Variants in LRTM1 observed in about 807,000 individuals in gnomAD.
The protein encoded by LRTM1 is leucine-rich repeat and transmembrane domain-containing protein 1.
LRTM1 carries 38 observed loss-of-function variants against 32.4 expected under a neutral mutation model. That is an observed-to-expected ratio of 1.17 (90% CI 0.91 to 1.54). LRTM1 has a LOEUF of 1.54. LRTM1 is among the 40% of genes most tolerant of loss of function. LRTM1 has a pLI of 0.00. For synonymous variants in LRTM1, 186 were observed against 169.9 expected (o/e 1.09, Z -0.74); for missense variants, 466 against 415.4 (o/e 1.12, Z -1.06).
At chr3:54,954,565 T>A (rs1289568108) in intron 1 of LRTM1, among the ~76,000 whole-genome samples, 2 of 152,180 alleles carry the variant, frequency 1.3e-5, no homozygotes, top group African/African-American at 4.8e-5. Flanking sequence ...CTCTTCCCTT[T>A]CCAGTCCAAA....
At chr3:54,919,845 T>C (rs1232196467) in intron 2 of LRTM1, among the ~76,000 whole-genome samples, 1 of 152,178 alleles carries the variant, frequency 6.6e-6, no homozygotes, top group Non-Finnish European at 1.5e-5. Context: ...AGGTCACGAG[T>C]GGATGAAACA....
upstream of LRTM1, among the ~76,000 whole-genome samples, chr3:54,928,584 G>T (rs1225599557): frequency 6.6e-6 from 1 of 152,054 alleles, no homozygotes; most frequent in East Asian, 1.9e-4. Flanking sequence ...GTGTTGACAG[G>T]GTCTTGATGC....
chr3:54,929,843 A>G (rs79236633), upstream of LRTM1, among the ~76,000 whole-genome samples: 182 of 152,272 alleles, frequency 1.2e-3, 1 homozygote, highest in African/African-American at 3.1e-3. Flanking sequence ...ATAACCATCA[A>G]TGGCCCCCAT....
chr3:54,963,564 T>C (rs1232585818), intron 1 of LRTM1, among the ~76,000 whole-genome samples: 1 of 152,210 alleles, frequency 6.6e-6, no homozygotes, highest in Non-Finnish European at 1.5e-5. Context: ...TGGCCACTAA[T>C]TTGGACAGCA....
intron 1 of LRTM1, among the ~76,000 whole-genome samples, chr3:54,945,720 T>A (rs537238974): frequency 1.3e-5 from 2 of 152,314 alleles, no homozygotes; most frequent in South Asian, 4.1e-4. Context: ...ACTACCCCAT[T>A]AGGTGTCTAT....
At chr3:54,953,087 A>G (rs1701798153) in intron 1 of LRTM1, among the ~76,000 whole-genome samples, 1 of 152,194 alleles carries the variant, frequency 6.6e-6, no homozygotes, top group Admixed American at 6.5e-5. Flanking sequence ...TAAATAATGC[A>G]TGTATTTAAT....
rs1165979495 is a variant in LRTM1 at position 54,922,121 on chromosome 3, C to T, written c.604+2498G>A. On this transcript the variant is annotated intron_variant, in intron 2 of 2. Transcript: ENST00000273286. ...TACTCATGCAGCTCTGTTGTGACGG[C>T]GTGTTGAAATGCGTCACAGAATCTG... Among the ~76,000 whole-genome samples the T allele has an allele frequency of 5.3e-5, 8 of 152,006 alleles. 1 individual carries two copies. The South Asian group carries it at 6.2e-4, about 12-fold the overall frequency.
chr3:54,925,264 G>A, intron 1 of LRTM1, 49 bp from the exon 2 acceptor site: 8 of 1,471,972 alleles, frequency 5.4e-6, no homozygotes, highest in Non-Finnish European at 7.5e-6. Flanking sequence ...TGTGAGGTGT[G>A]GTATCAGCAC....
intron 1 of LRTM1, among the ~76,000 whole-genome samples, chr3:54,962,750 A>G (rs749398174): frequency 3.6e-4 from 55 of 152,192 alleles, no homozygotes; most frequent in African/African-American, 1.2e-3. Flanking sequence ...TGAGCTCTCT[A>G]TGTGTATGTG....
chr3:54,945,199 A>C, intron 1 of LRTM1, among the ~76,000 whole-genome samples: 1 of 152,172 alleles, frequency 6.6e-6, no homozygotes, highest in East Asian at 1.9e-4. Flanking sequence ...TCTGAACATT[A>C]GCAGTTTTTC....
upstream of LRTM1, among the ~76,000 whole-genome samples, chr3:54,930,452 G>T (rs191257576): frequency 6.6e-6 from 1 of 152,090 alleles, no homozygotes; most frequent in Non-Finnish European, 1.5e-5. Context: ...ACCTCTTTAG[G>T]TTATAGTGGA....
chr3:54,962,923 G>T (rs961455655), intron 1 of LRTM1, among the ~76,000 whole-genome samples: 1 of 152,096 alleles, frequency 6.6e-6, no homozygotes, highest in South Asian at 2.1e-4. Context: ...AAATGAATAC[G>T]ATATGAGAAA....
At chr3:54,935,132 C>T (rs1268759343) in intron 1 of LRTM1, among the ~76,000 whole-genome samples, 1 of 152,186 alleles carries the variant, frequency 6.6e-6, no homozygotes. Context: ...TAGGGTTTCC[C>T]TGACACTGTC....
intron 1 of LRTM1, among the ~76,000 whole-genome samples, chr3:54,952,690 C>A (rs890517558): frequency 6.6e-6 from 1 of 152,170 alleles, no homozygotes; most frequent in East Asian, 1.9e-4. Flanking sequence ...GGTTCAAATT[C>A]TGGTGCCCGC....
upstream of LRTM1, among the ~76,000 whole-genome samples, chr3:54,932,554 A>G (rs1701215517): frequency 6.6e-6 from 1 of 152,242 alleles, no homozygotes; most frequent in South Asian, 2.1e-4. Context: ...GAGATGTCTT[A>G]TCTTCTAGTG....
upstream of LRTM1, among the ~76,000 whole-genome samples, chr3:54,932,862 G>A (rs1701225736): frequency 6.6e-6 from 1 of 152,236 alleles, no homozygotes. Context: ...ATAGTGGGGA[G>A]TAGGCCCTTG....
rs1700976189 is a variant in LRTM1, at chr3:54,925,139, C to T, written c.84G>A (p.Gln28=). The T allele has an allele frequency of 1.9e-6, 3 of 1,614,086 alleles. No homozygotes were observed. Among genetic ancestry groups the T allele is most frequent in the Non-Finnish European group, 1.7e-6 (2 of 1,180,020 alleles). ...TGCAGTCTACAAAATTTGTAGATGA[C>T]TGACAGTAACACTTGTCCGGGCAGC... is the stretch of plus-strand genomic sequence containing the variant. ...VCSCPDKCYC[Q]SSTNFVDCSQ... is the part of the protein sequence containing the mutation. Residue 28 remains glutamine (Q), a synonymous_variant, in exon 2 of 3, where the codon CAG becomes CAA. Coordinates refer to ENST00000273286, the MANE Select transcript of LRTM1 (RefSeq NM_020678.4).
chr3:54,943,796 C>T (rs1476537299), intron 1 of LRTM1, among the ~76,000 whole-genome samples: 2 of 152,120 alleles, frequency 1.3e-5, no homozygotes, highest in South Asian at 2.1e-4. Context: ...TCTAGGTTTG[C>T]TGGGCATGCA....
intron 1 of LRTM1, among the ~76,000 whole-genome samples, chr3:54,936,694 C>T (rs529526587): frequency 3.3e-5 from 5 of 152,142 alleles, no homozygotes; most frequent in East Asian, 1.9e-4. Flanking sequence ...CCAGTCAGCC[C>T]GTCGCTAGTA....
Sources: allele counts gnomAD v4.1 joint callset (sites outside exome capture counted in the v4.1 genomes callset), GRCh38; gene constraint gnomAD v4.1.1; transcripts MANE v1.5; gene names NCBI Gene and HGNC (gene_info 2026-07-23, HGNC 2026-07-21).